BPIFA3: variants seen among roughly 807,000 people sequenced by gnomAD.
BPIFA3 encodes the protein BPI fold containing family A member 3.
BPIFA3 carries 32 observed loss-of-function variants against 29.7 expected under a neutral mutation model. The ratio of observed to expected loss-of-function variants is 1.08; its 90% CI spans 0.81 to 1.45. The LOEUF is 1.45. BPIFA3 is among the 40% of genes most tolerant of loss of function. The pLI, the probability that BPIFA3 is intolerant of heterozygous loss-of-function variation, is 0.00. For synonymous variants in BPIFA3, 112 were observed against 113.7 expected, an observed-to-expected ratio of 0.98 and a Z score of 0.10; for missense variants, 323 against 311.3, an observed-to-expected ratio of 1.04 and a Z score of -0.28.
At chr20:33,227,148 T>C (rs540311960) in intron 6 of BPIFA3, among the ~76,000 whole-genome samples, 155 bp downstream of exon 6, 1 of 152,254 alleles carries the variant, frequency 6.6e-6, no homozygotes, top group Admixed American at 6.5e-5. Context: ...ATGACCACAC[T>C]GTCCCCCAAG....
intron 5 of BPIFA3, 44 bp downstream of exon 5, chr20:33,226,534 G>T: frequency 7.6e-7 from 1 of 1,317,542 alleles, no homozygotes; most frequent in South Asian, 1.2e-5. Context: ...CCTTGAGTCC[G>T]AGGGTTAGGG....
At chr20:33,223,670 A>G (rs1985628961) in intron 1 of BPIFA3, 141 bp from the exon 2 acceptor site, 1 of 808,740 alleles carries the variant, frequency 1.2e-6, no homozygotes, top group Admixed American at 2.9e-5. Context: ...AAGAAGGTAG[A>G]TCTCCATGGG....
rs563495325 is a variant in BPIFA3 at position 33,224,297 on chromosome 20, G to T, written c.279-58G>T. The stretch of plus-strand genomic sequence containing the variant: ...GGACAGCCTTGTTTCTCAGCAGGAA[G>T]CCTTACCTGTTCTGAAGTCCCTCAC... On this transcript the variant is annotated intron_variant, in intron 2 of 6. Transcript: ENST00000375454. 171 of 1,392,004 alleles carry T rather than the reference G, an allele frequency of 1.2e-4. 1 individual carries two copies. In the African/African-American group the frequency reaches 2.3e-3, roughly 19 times the overall value. 86.2% of individuals were successfully genotyped at this position (1,392,004 alleles called of 1,614,324 possible). A position where few individuals can be genotyped will look rare whatever the true frequency, so the allele number is the denominator to read the frequency against.
At chr20:33,222,613 T>C (rs1440994952) in intron 1 of BPIFA3, among the ~76,000 whole-genome samples, 5 of 131,446 alleles carry the variant, frequency 3.8e-5, no homozygotes, top group African/African-American at 2.2e-4. Flanking sequence ...GATGAGTGGA[T>C]GGATGGATGG....
At chr20:33,220,323 G>A (rs1000920776) in intron 1 of BPIFA3, among the ~76,000 whole-genome samples, 5 of 150,402 alleles carry the variant, frequency 3.3e-5, no homozygotes, top group Admixed American at 6.6e-5. Context: ...ACGTGAACCC[G>A]GGAGGCAGAG....
At chr20:33,226,162 G>A (rs2045924075) in intron 4 of BPIFA3, 2 of 438,566 alleles carry the variant, frequency 4.6e-6, no homozygotes, top group South Asian at 2.9e-5. Context: ...GGAGGACGGT[G>A]TAAGGGAAAG....
At chr20:33,223,645 A>G (rs1448903213) in intron 1 of BPIFA3, 166 bp from the exon 2 acceptor site, 1 of 718,064 alleles carries the variant, frequency 1.4e-6, no homozygotes, top group African/African-American at 1.8e-5. Context: ...CTTGCAAAGC[A>G]TAATTTCATA....
At chr20:33,224,506 C>T (rs376604923) in intron 3 of BPIFA3, 44 bp downstream of exon 3, 31 of 1,462,230 alleles carry the variant, frequency 2.1e-5, no homozygotes, top group African/African-American at 1.1e-4. Flanking sequence ...TGGCCCTCCT[C>T]GCAGGGAACC....
chr20:33,225,665 C>T (rs1175619851), intron 4 of BPIFA3: 2 of 180,908 alleles, frequency 1.1e-5, no homozygotes, highest in East Asian at 3.1e-4. Context: ...GCTCCAAAGC[C>T]TCCAGTGGTT....
At chr20:33,223,693 T>G in intron 1 of BPIFA3, 118 bp from the exon 2 acceptor site, 2 of 1,062,666 alleles carry the variant, frequency 1.9e-6, no homozygotes, top group Non-Finnish European at 2.7e-6. Flanking sequence ...GGTGGTGACA[T>G]GCACCACTCA....
chr20:33,217,948 G>A (rs1985340574), intron 1 of BPIFA3, among the ~76,000 whole-genome samples: 1 of 152,202 alleles, frequency 6.6e-6, no homozygotes, highest in South Asian at 2.1e-4. Flanking sequence ...GCCTTGGCAG[G>A]CATTGCAGCG....
Position 33,226,492 on chromosome 20 carries a change from TA to T in BPIFA3, c.621+4del. On this transcript the variant is annotated splice_donor_region_variant and intron_variant, in intron 5 of 6. Transcript: ENST00000375454. ...CTCCCACACATGGTAGAAAGTCAGG[TA>T]AGTTTAGAAAAAACTTTGCATCTTG... is the stretch of plus-strand genomic sequence containing the variant. 6.3e-7 allele frequency: 1 copy of T among 1,599,924 alleles called. No homozygotes were observed. The highest frequency in any genetic ancestry group is 8.5e-7 in the Non-Finnish European group (1 of 1,170,438).
chr20:33,225,352 C>T lies in BPIFA3; in HGVS notation c.536+105C>T, dbSNP rs922872715. 26 of 1,505,108 alleles carry T rather than the reference C, an allele frequency of 1.7e-5. No individual in the cohort carries two copies. In the African/African-American group the frequency reaches 2.6e-4, roughly 15 times the overall value. 93.2% of individuals were successfully genotyped at this position (1,505,108 alleles called of 1,614,324 possible). A position where few individuals can be genotyped will look rare whatever the true frequency, so the allele number is the denominator to read the frequency against. On this transcript the variant is annotated intron_variant, in intron 4 of 6. Coordinates refer to ENST00000375454, the MANE Select transcript of BPIFA3 (RefSeq NM_178466.5). ...TCCTAAATTAGTCCAAAGCAGATCT[C>T]ATCCTTCCCCCGGGATCTGCTCCTC...
At chr20:33,225,067 G>A (rs1281483998) in intron 3 of BPIFA3, 31 bp from the exon 4 acceptor site, 11 of 1,601,328 alleles carry the variant, frequency 6.9e-6, no homozygotes, top group African/African-American at 1.3e-5. Context: ...TCCTCCCCTT[G>A]CCCTTCCTCC....
In BPIFA3 at chr20:33,217,637, G is replaced by A. The variant is rs1985325016; in HGVS notation, c.101G>A (p.Arg34Lys). The A allele has an allele frequency of 1.2e-6, 2 of 1,613,864 alleles. No individual in the cohort carries two copies. Among genetic ancestry groups the A allele is most frequent in the Admixed American group, 1.7e-5 (1 of 59,946 alleles). ...TGGCCTGGCCTGGCCCAAGCCCACA[G>A]AGACAACAAATCCACCCTGGCAAGA... is the stretch of plus-strand genomic sequence containing the variant. ...QPWPGLAQAHRDNKSTLARII... is the reference protein window; with the variant it reads ...QPWPGLAQAHKDNKSTLARII... Residue 34 changes from arginine (R) to lysine (K), a missense_variant, in exon 1 of 7, where the codon AGA (arginine) becomes AAA (lysine). Physicochemically the swap from Arg to Lys is conservative, Grantham distance 26. Coordinates refer to ENST00000375454, the MANE Select transcript of BPIFA3 (RefSeq NM_178466.5).
At chr20:33,222,241 G>C (rs775743148) in intron 1 of BPIFA3, among the ~76,000 whole-genome samples, 6 of 152,254 alleles carry the variant, frequency 3.9e-5, no homozygotes, top group African/African-American at 7.2e-5. Flanking sequence ...TATCATCATG[G>C]TTTTATCCTC....
At chr20:33,218,976 G>A (rs529291582) in intron 1 of BPIFA3, among the ~76,000 whole-genome samples, 5 of 152,066 alleles carry the variant, frequency 3.3e-5, no homozygotes, top group Non-Finnish European at 5.9e-5. Flanking sequence ...CATGATCTTG[G>A]CTCACTGCAA....
Position 33,225,083 on chromosome 20 carries a change from C to T in BPIFA3, c.387-15C>T, listed in dbSNP as rs1043461748. On this transcript the variant is annotated splice_polypyrimidine_tract_variant and intron_variant, in intron 3 of 6. Coordinates refer to ENST00000375454, the MANE Select transcript of BPIFA3 (RefSeq NM_178466.5). Reference sequence around the variant, plus strand: ...CCTCCCCTTGCCCTTCCTCCTCTTCCTCTCTCATCTGCAGGTCCTTCGATA... The same window carrying T: ...CCTCCCCTTGCCCTTCCTCCTCTTCTTCTCTCATCTGCAGGTCCTTCGATA... The T allele has an allele frequency of 1.2e-6, 2 of 1,612,770 alleles. No individual in the cohort carries two copies. The highest frequency in any genetic ancestry group is 2.7e-5 in the African/African-American group (2 of 74,856).
At position 33,224,083 on chromosome 20, in the gene BPIFA3, A is replaced by G. The variant is rs973435932; in HGVS notation, c.278+122A>G. ...TGAAGAGGGAAGGTAGGAAGATTGA[A>G]AGAAGAGAAGGTGGAAGGCCCACAC... is the stretch of plus-strand genomic sequence containing the variant. On this transcript the variant is annotated intron_variant, in intron 2 of 6. Transcript: ENST00000375454. The G allele has an allele frequency of 2.3e-6, 3 of 1,289,742 alleles. 1 individual carries two copies. The highest frequency in any genetic ancestry group is 5.6e-4 in the Middle Eastern group (2 of 3,598). The allele number at this position is 1,289,742 out of a possible 1,614,324, so 79.9% of individuals were successfully genotyped here.
Sources: allele counts gnomAD v4.1 joint callset (sites outside exome capture counted in the v4.1 genomes callset), GRCh38; gene constraint gnomAD v4.1.1; transcripts MANE v1.5; gene names NCBI Gene and HGNC (gene_info 2026-07-23, HGNC 2026-07-21).